NT5DC1: variants seen among roughly 807,000 people sequenced by gnomAD.
NT5DC1 encodes 5'-nucleotidase domain containing 1.
NT5DC1 carries 42 observed loss-of-function variants against 59.4 expected under a neutral mutation model. The observed-to-expected ratio is 0.71, with a 90% CI of 0.55 to 0.92. NT5DC1 has a LOEUF of 0.92. NT5DC1 is among the 40% of genes least tolerant of loss of function. The probability of loss-of-function intolerance (pLI) is 0.00; values close to 1 mark genes in which losing one functional copy is unlikely to be tolerated. For missense variants in NT5DC1, 501 were observed against 537.1 expected (o/e 0.93, Z 0.66); for synonymous variants, 172 against 188.1 (o/e 0.91, Z 0.70).
rs550879823 is a variant in NT5DC1, at chr6:116,136,476, T to A, written c.529+18531T>A. Among the ~76,000 whole-genome samples the A allele has an allele frequency of 4.9e-3, 738 of 151,998 alleles. 11 individuals are homozygous for A. Among genetic ancestry groups the A allele is most frequent in the South Asian group, 0.043 (206 of 4,794 alleles). On this transcript the variant is annotated intron_variant, in intron 6 of 11. Coordinates refer to ENST00000319550, the MANE Select transcript of NT5DC1 (RefSeq NM_152729.3). ...TTTTTAAGTTTTGTGGGGTTTTTTT[T>A]AAAAGAAGAAAATGAAGCTTATTAA...
rs140486568 is a variant in NT5DC1, at chr6:116,120,113, A to G, written c.529+2168A>G. ...TAGGAATCCTGAGAAAGAGGAGTGG[A>G]CATACTCAGAGGAGTATAGGCCATT... On this transcript the variant is annotated intron_variant, in intron 6 of 11. Coordinates refer to ENST00000319550, the MANE Select transcript of NT5DC1 (RefSeq NM_152729.3). 2.5e-6 allele frequency: 4 copies of G among 1,614,010 alleles called. No individual in the cohort carries two copies. In the African/African-American group the frequency reaches 5.3e-5, roughly 22 times the overall value.
intron 6 of NT5DC1, among the ~76,000 whole-genome samples, chr6:116,204,222 GA>G (rs144603893): frequency 0.015 from 2,250 of 152,004 alleles, 24 homozygotes; most frequent in Non-Finnish European, 0.022. Context: ...TGTGTTTGTT[GA>G]ATTTTTATAA....
chr6:116,138,737 A>T (rs1193059748), intron 6 of NT5DC1, among the ~76,000 whole-genome samples: 1 of 152,172 alleles, frequency 6.6e-6, no homozygotes, highest in Non-Finnish European at 1.5e-5. Flanking sequence ...AATGGGGTAC[A>T]TGTAGAACTT....
chr6:116,185,554 G>A (rs1018976400), intron 6 of NT5DC1, among the ~76,000 whole-genome samples: 17 of 151,942 alleles, frequency 1.1e-4, no homozygotes, highest in African/African-American at 4.1e-4. Context: ...TCTACTGTTG[G>A]GTGCGTATAT....
chr6:116,198,424 G>A (rs539928867), intron 6 of NT5DC1, among the ~76,000 whole-genome samples: 27 of 151,962 alleles, frequency 1.8e-4, no homozygotes, highest in East Asian at 3.9e-4. Context: ...TCTTCTATTC[G>A]TCCCATACAT....
At chr6:116,163,808 T>A (rs1054716620) in intron 6 of NT5DC1, among the ~76,000 whole-genome samples, 1 of 152,230 alleles carries the variant, frequency 6.6e-6, no homozygotes, top group Non-Finnish European at 1.5e-5. Flanking sequence ...ATATGTTACA[T>A]GTCTATATTC....
intron 6 of NT5DC1, among the ~76,000 whole-genome samples, chr6:116,220,662 G>A (rs781133005): frequency 6.6e-5 from 10 of 152,086 alleles, no homozygotes; most frequent in Non-Finnish European, 1.2e-4. Context: ...TCTGAGTGTT[G>A]ATTTGTTTCT....
chr6:116,189,600 T>C (rs2114489347), intron 6 of NT5DC1, among the ~76,000 whole-genome samples: 1 of 152,138 alleles, frequency 6.6e-6, no homozygotes, highest in South Asian at 2.1e-4. Context: ...AGTTCTTGTG[T>C]ATTAAATAAA....
intron 6 of NT5DC1, among the ~76,000 whole-genome samples, chr6:116,201,243 A>G (rs1167622770): frequency 6.6e-6 from 1 of 152,096 alleles, no homozygotes; most frequent in Non-Finnish European, 1.5e-5. Flanking sequence ...AGTTACCTCT[A>G]TGATACTCTT....
At chr6:116,192,595 A>G (rs1297337969) in intron 6 of NT5DC1, among the ~76,000 whole-genome samples, 1 of 152,060 alleles carries the variant, frequency 6.6e-6, no homozygotes, top group Non-Finnish European at 1.5e-5. Context: ...CAAAAATCAA[A>G]TCTTAAAGTA....
At chr6:116,140,259 C>T (rs1271168223) in intron 6 of NT5DC1, among the ~76,000 whole-genome samples, 1 of 152,150 alleles carries the variant, frequency 6.6e-6, no homozygotes, top group Non-Finnish European at 1.5e-5. Context: ...TATGTTCCAT[C>T]CCTTACAAAC....
In NT5DC1 at chr6:116,236,039, C is replaced by T. The variant is rs539626744; in HGVS notation, c.803-927C>T. 1.3e-4 allele frequency among the ~76,000 whole-genome samples: 20 copies of T among 152,276 alleles called. 1 individual carries two copies. The South Asian group carries it at 4.1e-3, about 32-fold the overall frequency. ...ATTATATAAGCTTCTGTATACACAA[C>T]CTCTGTATCCAGCATAGGATTGTAT... On this transcript the variant is annotated intron_variant, in intron 8 of 11. Transcript: ENST00000319550.
chr6:116,207,435 T>G (rs1167802016), intron 6 of NT5DC1, among the ~76,000 whole-genome samples: 1 of 151,918 alleles, frequency 6.6e-6, no homozygotes, highest in Non-Finnish European at 1.5e-5. Flanking sequence ...ATTATATAGG[T>G]AAAGACTAAG....
At chr6:116,108,729 G>C (rs1421012820) in intron 3 of NT5DC1, among the ~76,000 whole-genome samples, 1 of 152,202 alleles carries the variant, frequency 6.6e-6, no homozygotes, top group Non-Finnish European at 1.5e-5. Flanking sequence ...TCTGGCAAAA[G>C]AGCCCAGGAA....
At chr6:116,234,002 G>C (rs1782067941) in intron 8 of NT5DC1, among the ~76,000 whole-genome samples, 1 of 128,052 alleles carries the variant, frequency 7.8e-6, no homozygotes. Context: ...TTTTGAGACG[G>C]AATCTCATTC....
chr6:116,135,680 A>G (rs1582825416), intron 6 of NT5DC1, among the ~76,000 whole-genome samples: 1 of 151,204 alleles, frequency 6.6e-6, no homozygotes, highest in Non-Finnish European at 1.5e-5. Context: ...CCTGATATAT[A>G]TGCTGCTGGC....
At chr6:116,238,653 TAATAG>T (rs908429175) in intron 10 of NT5DC1, among the ~76,000 whole-genome samples, 3 of 152,112 alleles carry the variant, frequency 2.0e-5, no homozygotes, top group African/African-American at 4.8e-5. Flanking sequence ...ATCATCATCA[TAATAG>T]AATAGAGAGT....
chr6:116,111,408 G>A (rs1253183818), intron 4 of NT5DC1, among the ~76,000 whole-genome samples: 2 of 152,126 alleles, frequency 1.3e-5, no homozygotes, highest in Admixed American at 6.5e-5. Flanking sequence ...TTTTCCAGAT[G>A]ATTTTAACTA....
intron 6 of NT5DC1, among the ~76,000 whole-genome samples, chr6:116,200,097 A>G (rs1200692493): frequency 6.6e-6 from 1 of 151,976 alleles, no homozygotes; most frequent in Non-Finnish European, 1.5e-5. Context: ...AATAGTATAT[A>G]CCCTTAATAT....
Sources: allele counts gnomAD v4.1 joint callset (sites outside exome capture counted in the v4.1 genomes callset), GRCh38; gene constraint gnomAD v4.1.1; transcripts MANE v1.5; gene names NCBI Gene and HGNC (gene_info 2026-07-23, HGNC 2026-07-21).